The following CCDC63 variants were observed in gnomAD, a reference collection of about 807,000 sequenced individuals.
The protein encoded by CCDC63 is coiled-coil domain containing 63.
A neutral mutation model predicts 63.6 loss-of-function variants in CCDC63; 54 were observed. The observed-to-expected ratio is 0.85, with a 90% CI of 0.68 to 1.07. CCDC63 has a LOEUF of 1.07. Among genes scored for constraint, CCDC63 ranks in the 50% least tolerant of loss-of-function variants. CCDC63 has a pLI of 0.00. For synonymous variants in CCDC63, 253 were observed against 266.1 expected, an observed-to-expected ratio of 0.95 and a Z score of 0.48; for missense variants, 637 against 689.6, an observed-to-expected ratio of 0.92 and a Z score of 0.86.
chr12:110,894,984 C>T (rs1263845578), intron 9 of CCDC63, among the ~76,000 whole-genome samples: 1 of 151,102 alleles, frequency 6.6e-6, no homozygotes, highest in Non-Finnish European at 1.5e-5. Context: ...GCGCGATCTC[C>T]GCTCACTGCA....
chr12:110,882,993 G>C (rs1379725238), intron 7 of CCDC63, among the ~76,000 whole-genome samples: 1 of 151,576 alleles, frequency 6.6e-6, no homozygotes, highest in Admixed American at 6.6e-5. Flanking sequence ...CTCCCGAGTA[G>C]CTAGGACCAC....
rs771151586 is a variant in CCDC63 at position 110,853,447 on chromosome 12, C to A, written c.52C>A (p.Pro18Thr). Residue 18 changes from proline (P) to threonine (T), a missense_variant, in exon 3 of 12, where the codon CCT (proline) becomes ACT (threonine). Pro to Thr is a conservative substitution (Grantham distance 38). Transcript: ENST00000308208. The stretch of plus-strand genomic sequence containing the variant: ...AAAAGACTCCGACACTCCCCAGGAA[C>A]CTTCGGAGAAGGCCAAAGAGCAGCA... ...RRKDSDTPQE[P>T]SEKAKEQQAE... 4 of 1,613,876 alleles carry A rather than the reference C, an allele frequency of 2.5e-6. No homozygotes were observed. The highest frequency in any genetic ancestry group is 1.3e-5 in the African/African-American group (1 of 74,914).
rs528190877 is a variant in CCDC63 at position 110,885,189 on chromosome 12, AAAG to A, written c.1074+941_1074+943del. On this transcript the variant is annotated intron_variant, in intron 8 of 11. Coordinates refer to ENST00000308208, the MANE Select transcript of CCDC63 (RefSeq NM_152591.3). ...AAAGGATTGTAAGAAGAAAAAAAAA[AAAG>A]AGAGAGAGAGAAATATGCAAGAGGG... Among the ~76,000 whole-genome samples the A allele has an allele frequency of 3.7e-3, 559 of 149,302 alleles. 1 individual carries two copies. The highest frequency in any genetic ancestry group is 0.013 in the African/African-American group (517 of 39,954).
At chr12:110,877,171 C>G (rs1280906224) in intron 5 of CCDC63, among the ~76,000 whole-genome samples, 1 of 151,768 alleles carries the variant, frequency 6.6e-6, no homozygotes, top group Non-Finnish European at 1.5e-5. Flanking sequence ...TGACAAGAAC[C>G]TCTAAAATCT....
chr12:110,858,148 AAAATAAAAT>A (rs2070801747), intron 3 of CCDC63, among the ~76,000 whole-genome samples: 11 of 121,490 alleles, frequency 9.1e-5, no homozygotes, highest in South Asian at 2.9e-4. Flanking sequence ...AAAATAAAAT[AAAATAAAAT>A]AAAAAATAAA....
Position 110,850,539 on chromosome 12 carries a change from C to T in CCDC63, c.-96-2320C>T, listed in dbSNP as rs1469983562. 2.0e-5 allele frequency among the ~76,000 whole-genome samples: 3 copies of T among 152,260 alleles called. No homozygotes were observed. In the East Asian group the frequency reaches 5.8e-4, roughly 29 times the overall value. ...GGCGGATCACCTGAGGTCATAAATT[C>T]GAGACCAGCCTGACCAAAATGGTGA... On this transcript the variant is annotated intron_variant, in intron 1 of 11. Transcript: ENST00000308208.
Position 110,907,459 on chromosome 12 carries a change from A to G in CCDC63, c.1675A>G (p.Lys559Glu). ...GAAGGTGGATGACTTCAGATCCAGG[A>G]AGAAAGTAACCATGTGAGGTGCATG... is the stretch of plus-strand genomic sequence containing the variant. ...PEKVDDFRSR[K>E]KVTM Residue 559 changes from lysine to glutamate, a missense_variant, in exon 12 of 12, where the codon AAG becomes GAG. By Grantham distance (56) the Lys-to-Glu change is moderately conservative (BLOSUM62 1). Transcript: ENST00000308208. The surrounding 1 kb of genome is among the most constrained non-coding windows in gnomAD (Gnocchi z 4.4). 6.2e-7 allele frequency: 1 copy of G among 1,614,180 alleles called. No homozygotes were observed. Among genetic ancestry groups the G allele is most frequent in the South Asian group, 1.1e-5 (1 of 91,080 alleles).
chr12:110,885,347 A>G (rs1299905361), intron 8 of CCDC63, among the ~76,000 whole-genome samples: 3 of 152,176 alleles, frequency 2.0e-5, no homozygotes. Flanking sequence ...GTCCTGCAGT[A>G]AAGAAGCCTG....
At chr12:110,906,761 CA>C (rs1299696531) in intron 11 of CCDC63, among the ~76,000 whole-genome samples, 1 of 152,254 alleles carries the variant, frequency 6.6e-6, no homozygotes, top group East Asian at 1.9e-4. Flanking sequence ...CATCTCAGCA[CA>C]ACTTCCACCG....
intron 8 of CCDC63, among the ~76,000 whole-genome samples, chr12:110,888,838 C>T (rs529726677): frequency 8.2e-6 from 1 of 121,746 alleles, no homozygotes; most frequent in Non-Finnish European, 1.6e-5. Context: ...TCCTTCCTTC[C>T]TTCCTTCCTT....
chr12:110,879,071 C>T (rs1433481973), intron 5 of CCDC63, among the ~76,000 whole-genome samples: 1 of 152,174 alleles, frequency 6.6e-6, no homozygotes, highest in African/African-American at 2.4e-5. Flanking sequence ...CCCCTAAATA[C>T]TTCAGTTTGC....
intron 8 of CCDC63, among the ~76,000 whole-genome samples, chr12:110,890,337 G>C (rs1404620620): frequency 2.0e-5 from 3 of 151,704 alleles, no homozygotes; most frequent in African/African-American, 4.8e-5. Context: ...AAGGAGATGA[G>C]CCTTCCAATC....
chr12:110,845,380 C>T (rs1003313106), upstream of CCDC63, among the ~76,000 whole-genome samples: 14 of 152,064 alleles, frequency 9.2e-5, no homozygotes, highest in African/African-American at 3.1e-4. Context: ...TGTGGAAAAG[C>T]GTGGGGCTCC....
intron 1 of CCDC63, among the ~76,000 whole-genome samples, chr12:110,849,439 G>A (rs2070678152): frequency 1.3e-5 from 2 of 151,466 alleles, no homozygotes; most frequent in South Asian, 2.1e-4. Flanking sequence ...CATCATGCAT[G>A]CCTTCACAAT....
At chr12:110,891,553 G>C (rs1467909981) in intron 8 of CCDC63, among the ~76,000 whole-genome samples, 1 of 150,130 alleles carries the variant, frequency 6.7e-6, no homozygotes, top group Non-Finnish European at 1.5e-5. Flanking sequence ...AGGCTGAGAT[G>C]GGAGGATCGC....
chr12:110,886,408 AC>A (rs1295258915), intron 8 of CCDC63, among the ~76,000 whole-genome samples: 11 of 151,762 alleles, frequency 7.2e-5, no homozygotes, highest in African/African-American at 1.5e-4. Flanking sequence ...AAAAAAACCC[AC>A]CCCAAAAAAC....
chr12:110,862,878 C>T (rs1007363317), intron 4 of CCDC63, among the ~76,000 whole-genome samples: 5 of 151,984 alleles, frequency 3.3e-5, no homozygotes, highest in African/African-American at 1.2e-4. Flanking sequence ...GCCTCAGCCT[C>T]CTGAGTAGCT....
chr12:110,905,267 C>T (rs545046753), intron 11 of CCDC63, among the ~76,000 whole-genome samples: 7 of 152,032 alleles, frequency 4.6e-5, no homozygotes, highest in South Asian at 2.1e-4. Flanking sequence ...CCTAACCCCA[C>T]GGTTGAAGCA....
intron 2 of CCDC63, 21 bp downstream of exon 2, chr12:110,852,984 G>A: frequency 1.2e-6 from 2 of 1,613,704 alleles, no homozygotes; most frequent in South Asian, 2.2e-5. Flanking sequence ...CCAGCTCCCA[G>A]CCACAGAGCA....
Sources: gnomAD v4.1 joint callset for allele counts (sites outside exome capture counted in the v4.1 genomes callset) on GRCh38, gnomAD v4.1.1 for gene constraint, Gnocchi (gnomAD v3.1) non-coding constraint, MANE v1.5 for transcripts, NCBI Gene and HGNC (gene_info 2026-07-23, HGNC 2026-07-21) for gene names.